Variants in PHYH observed in about 807,000 individuals in gnomAD.
The protein encoded by PHYH is phytanoyl-CoA 2-hydroxylase, also known as phytanoyl-CoA dioxygenase, peroxisomal.
A neutral mutation model predicts 38.5 loss-of-function variants in PHYH; 32 were observed. That is an observed-to-expected ratio of 0.83 (90% CI 0.63 to 1.12). The LOEUF (loss-of-function observed/expected upper bound fraction) is 1.12, where lower values mean the gene tolerates loss of function less well. Among genes scored for constraint, PHYH ranks in the 50% most tolerant of loss-of-function variants. The probability of loss-of-function intolerance (pLI) is 0.00; values close to 1 mark genes in which losing one functional copy is unlikely to be tolerated. For missense variants in PHYH, 426 were observed against 434.8 expected (o/e 0.98, Z 0.18); for synonymous variants, 166 against 157.9 (o/e 1.05, Z -0.38).
chr10:13,299,622 T>C lies in PHYH; in HGVS notation c.75+346A>G, dbSNP rs546824106. On this transcript the variant is annotated intron_variant, in intron 1 of 8. Coordinates refer to ENST00000263038, the MANE Select transcript of PHYH (RefSeq NM_006214.4). ...GCGCCTGTGCACCGTGCGCCTGTGATTGGACATCTCTGGGTCTCTGGACAG... is the reference window on the plus strand; with the variant it reads ...GCGCCTGTGCACCGTGCGCCTGTGACTGGACATCTCTGGGTCTCTGGACAG... 1.5e-5 allele frequency: 17 copies of C among 1,099,570 alleles called. No homozygotes were observed. The South Asian group carries it at 3.3e-4, about 21-fold the overall frequency. 68.1% of individuals were successfully genotyped at this position (1,099,570 alleles called of 1,614,324 possible).
rs146190978 is a variant in PHYH at position 13,288,470 on chromosome 10, C to T, written c.568G>A (p.Val190Ile). 1.4e-4 allele frequency: 231 copies of T among 1,614,188 alleles called. 1 individual carries two copies. In the African/African-American group the frequency reaches 2.8e-3, roughly 20 times the overall value. ...YFPFRPSDLI[V>I]CAWTAMEHIS... Reference sequence around the variant, plus strand: ...TGCTCCATCGCCGTCCAGGCGCAAACGATGAGATCGCTGGGCCTGAAGGGG... The same window carrying T: ...TGCTCCATCGCCGTCCAGGCGCAAATGATGAGATCGCTGGGCCTGAAGGGG... Residue 190 changes from valine (V) to isoleucine (I), a missense_variant, in exon 6 of 9, where the codon GTT becomes ATT. Physicochemically the swap from Val to Ile is conservative, Grantham distance 29. Coordinates refer to ENST00000263038, the MANE Select transcript of PHYH (RefSeq NM_006214.4).
chr10:13,297,040 T>C (rs1225092284), intron 2 of PHYH, among the ~76,000 whole-genome samples: 1 of 151,786 alleles, frequency 6.6e-6, no homozygotes, highest in South Asian at 2.1e-4. Context: ...TACAATTATG[T>C]AAAACCAAGA....
At position 13,283,131 on chromosome 10, in the gene PHYH, A is replaced by ATTTTTTT. The variant is rs398012850; in HGVS notation, c.828+552_828+558dup. ...CCACTGCACCTGGCTTTCATAATCA[A>ATTTTTTT]TTTTTTTTTTTTTTTTTGAGACGGA... On this transcript the variant is annotated intron_variant, in intron 7 of 8. Transcript: ENST00000263038. Among the ~76,000 whole-genome samples, 570 of 117,880 alleles carry ATTTTTTT rather than the reference A, an allele frequency of 4.8e-3. 42 individuals are homozygous for ATTTTTTT. Among genetic ancestry groups the ATTTTTTT allele is most frequent in the African/African-American group, 0.014 (389 of 28,608 alleles). The allele number at this position is 117,880 out of a possible 152,430, so 77.3% of individuals were successfully genotyped here.
intron 7 of PHYH, among the ~76,000 whole-genome samples, chr10:13,283,189 CG>C (rs1835457230): frequency 7.3e-6 from 1 of 136,858 alleles, no homozygotes; most frequent in Non-Finnish European, 1.5e-5. Flanking sequence ...AGTGCAGTGG[CG>C]CGATCTCGGC....
rs1283777687 is a variant in PHYH, at chr10:13,281,017, C to T, written c.922G>A (p.Ala308Thr). 3.1e-6 allele frequency: 5 copies of T among 1,614,026 alleles called. No individual in the cohort carries two copies. In the South Asian group the frequency reaches 4.4e-5, roughly 14 times the overall value. Residue 308 changes from alanine (A) to threonine (T), a missense_variant, in exon 8 of 9, where the codon GCA becomes ACA. Coordinates refer to ENST00000263038, the MANE Select transcript of PHYH (RefSeq NM_006214.4). Reference protein sequence around the residue: ...ENIEKEVVGIAHKFFGAENSV... With the variant: ...ENIEKEVVGITHKFFGAENSV... Reference sequence around the variant, plus strand: ...TTTTCAGCTCCAAAGAATTTATGTGCTATTCCTACAACTTCCTTCTCGATG... The same window carrying T: ...TTTTCAGCTCCAAAGAATTTATGTGTTATTCCTACAACTTCCTTCTCGATG...
At chr10:13,286,530 G>A (rs979504860) in intron 6 of PHYH, among the ~76,000 whole-genome samples, 4 of 151,956 alleles carry the variant, frequency 2.6e-5, no homozygotes, top group East Asian at 3.9e-4. Flanking sequence ...GTGAAAACTC[G>A]TCTCTACTAA....
rs1002364642 is a variant in PHYH, at chr10:13,290,811, T to A, written c.496+1020A>T. The stretch of plus-strand genomic sequence containing the variant: ...AAGCACAAGACATTTTAAAGACAAC[T>A]ATAGGCTGGGCGCGGTGGCTCACAC... On this transcript the variant is annotated intron_variant, in intron 5 of 8. Coordinates refer to ENST00000263038, the MANE Select transcript of PHYH (RefSeq NM_006214.4). Among the ~76,000 whole-genome samples, 5 of 152,074 alleles carry A rather than the reference T, an allele frequency of 3.3e-5. 1 individual carries two copies. The highest frequency in any genetic ancestry group is 3.3e-4 in the Admixed American group (5 of 15,234).
intron 1 of PHYH, 120 bp from the exon 2 acceptor site, chr10:13,298,365 G>C (rs564010152): frequency 4.6e-6 from 3 of 655,800 alleles, no homozygotes; most frequent in African/African-American, 1.8e-5. Flanking sequence ...TCAGGAGTTC[G>C]AGACCAGCCT....
chr10:13,298,718 C>CACTACT (rs56043624), intron 1 of PHYH, among the ~76,000 whole-genome samples: 3,248 of 93,412 alleles, frequency 0.035, 126 homozygotes, highest in African/African-American at 0.083. Flanking sequence ...AAACTACCAC[C>CACTACT]ACTACTACTA....
At chr10:13,290,736 T>C (rs1261944799) in intron 5 of PHYH, among the ~76,000 whole-genome samples, 1 of 152,120 alleles carries the variant, frequency 6.6e-6, no homozygotes, top group Non-Finnish European at 1.5e-5. Context: ...CTGGGTTATA[T>C]TTCTCAATCA....
intron 1 of PHYH, chr10:13,299,595 G>A (rs1200853948): frequency 2.9e-6 from 3 of 1,038,142 alleles, no homozygotes; most frequent in East Asian, 1.8e-4. Flanking sequence ...AGGCAGCCCT[G>A]CGCGCCTGTG....
intron 3 of PHYH, chr10:13,294,869 G>A (rs1835803899): frequency 4.3e-6 from 2 of 463,040 alleles, no homozygotes; most frequent in East Asian, 8.8e-5. Context: ...AAACATTTCT[G>A]TAACACTTAC....
At chr10:13,297,725 G>T (rs1832600502) in intron 2 of PHYH, among the ~76,000 whole-genome samples, 1 of 150,900 alleles carries the variant, frequency 6.6e-6, no homozygotes. Context: ...GCCTCCCAAA[G>T]TGCTGGGATT....
chr10:13,295,029 A>G, intron 3 of PHYH: 1 of 308,088 alleles, frequency 3.2e-6, no homozygotes, highest in African/African-American at 2.2e-5. Context: ...CCCAGGACAC[A>G]TGATATTAAG....
rs183402483 is a variant in PHYH at position 13,293,630 on chromosome 10, T to A, written c.414+798A>T. 6.7e-4 allele frequency among the ~76,000 whole-genome samples: 102 copies of A among 151,972 alleles called. 1 individual carries two copies. Among genetic ancestry groups the A allele is most frequent in the Admixed American group, 5.1e-3 (78 of 15,240 alleles). On this transcript the variant is annotated intron_variant, in intron 4 of 8. Transcript: ENST00000263038. ...CTCACTTCTCTTATTCAATCTTTGT[T>A]TTTTTCTTTTTTTCCAATATAGACA...
intron 7 of PHYH, among the ~76,000 whole-genome samples, chr10:13,282,602 A>AAG (rs1404924305): frequency 4.0e-5 from 6 of 148,892 alleles, no homozygotes; most frequent in Non-Finnish European, 8.9e-5. Flanking sequence ...AAAAAAAAAA[A>AAG]AAAAAGAAAA....
In PHYH at chr10:13,283,739, G is replaced by A. The variant is rs934688734; in HGVS notation, c.779C>T (p.Pro260Leu). The A allele has an allele frequency of 6.2e-7, 1 of 1,614,088 alleles. No individual in the cohort carries two copies. The highest frequency in any genetic ancestry group is 8.5e-7 in the Non-Finnish European group (1 of 1,179,996). Residue 260 changes from proline to leucine, a missense_variant, in exon 7 of 9, where the codon CCT becomes CTT. By Grantham distance (98) the Pro-to-Leu change is moderately conservative. Coordinates refer to ENST00000263038, the MANE Select transcript of PHYH (RefSeq NM_006214.4). ...MEKGDTVFFH[P>L]LLIHGSGQNK... The stretch of plus-strand genomic sequence containing the variant: ...CTGACCAGATCCGTGGATGAGCAAA[G>A]GATGGAAGAAAACAGTGTCGCCCTT...
chr10:13,279,286 C>A (rs1564418522), intron 8 of PHYH, among the ~76,000 whole-genome samples: 1 of 152,230 alleles, frequency 6.6e-6, no homozygotes, highest in African/African-American at 2.4e-5. Flanking sequence ...GAGTGAGCCA[C>A]TGCACCTGGC....
intron 7 of PHYH, among the ~76,000 whole-genome samples, chr10:13,281,458 A>T (rs1378129902): frequency 6.6e-6 from 1 of 152,064 alleles, no homozygotes; most frequent in African/African-American, 2.4e-5. Context: ...AGTCTTAAGA[A>T]GGACTGCATT....
Sources: allele counts gnomAD v4.1 joint callset (sites outside exome capture counted in the v4.1 genomes callset), GRCh38; gene constraint gnomAD v4.1.1; transcripts MANE v1.5; gene names NCBI Gene and HGNC (gene_info 2026-07-23, HGNC 2026-07-21).